Variants in MGRN1 observed in about 807,000 individuals in gnomAD.
MGRN1 encodes the protein E3 ubiquitin-protein ligase MGRN1.
In MGRN1, 29 loss-of-function variants were observed where a neutral mutation model predicts 69.2. The observed-to-expected ratio is 0.42, with a 90% CI of 0.31 to 0.57. The LOEUF is 0.57. Among genes scored for constraint, MGRN1 ranks in the 20% least tolerant of loss-of-function variants. MGRN1 has a pLI of 0.15. For synonymous variants in MGRN1, 470 were observed against 344.2 expected, an observed-to-expected ratio of 1.37 and a Z score of -4.04; for missense variants, 998 against 796.2, an observed-to-expected ratio of 1.25 and a Z score of -3.05.
At chr16:4,650,302 C>T (rs1183121256) in intron 1 of MGRN1, 63 bp from the exon 2 acceptor site, 1 of 1,353,540 alleles carries the variant, frequency 7.4e-7, no homozygotes, top group East Asian at 2.3e-5. Flanking sequence ...TGCACTCTAG[C>T]CTGAGACTCT....
chr16:4,664,572 C>G, intron 5 of MGRN1, 137 bp from the exon 6 acceptor site: 2 of 810,362 alleles, frequency 2.5e-6, no homozygotes, highest in Admixed American at 2.3e-5. Context: ...CCTTCCCTGC[C>G]ATCTCGAGGC....
chr16:4,672,500 C>G (rs975758008), intron 9 of MGRN1: 3 of 456,460 alleles, frequency 6.6e-6, no homozygotes, highest in South Asian at 4.6e-5. Flanking sequence ...GGCCGGGCCT[C>G]GCCTCAACCC....
chr16:4,686,531 C>G (rs528008606), intron 16 of MGRN1: 2 of 1,376,824 alleles, frequency 1.5e-6, no homozygotes, highest in East Asian at 2.8e-5. Flanking sequence ...AGAGGTCTCT[C>G]CATCTGGACT....
chr16:4,671,506 C>T (rs1159957613), intron 9 of MGRN1, 47 bp downstream of exon 9: 1 of 1,571,928 alleles, frequency 6.4e-7, no homozygotes, highest in Non-Finnish European at 8.8e-7. Flanking sequence ...GAAGCCCACA[C>T]CAGGAGCAGC....
intron 8 of MGRN1, 186 bp from the exon 9 acceptor site, chr16:4,671,205 G>A: frequency 1.6e-6 from 1 of 611,384 alleles, no homozygotes; most frequent in Non-Finnish European, 2.9e-6. Context: ...TGTTCCAGGT[G>A]CTGCTGGTTG....
intron 12 of MGRN1, chr16:4,681,204 C>T (rs2079174877): frequency 3.2e-6 from 1 of 314,412 alleles, no homozygotes; most frequent in Non-Finnish European, 5.9e-6. Context: ...TGCCCCCGCT[C>T]CCAGCTCCTG....
chr16:4,661,377 C>A (rs1316563320), intron 5 of MGRN1, among the ~76,000 whole-genome samples: 1 of 152,216 alleles, frequency 6.6e-6, no homozygotes, highest in Non-Finnish European at 1.5e-5. Flanking sequence ...TCTCCTGCAC[C>A]CTCCAGCCCT....
Position 4,652,769 on chromosome 16 carries a change from G to C in MGRN1, c.388G>C (p.Val130Leu), listed in dbSNP as rs781100866. ...LEFTFDADAR[V>L]AITIYCQASE... ...GTTCACCTTCGACGCCGATGCCCGC[G>C]TGGCCATCACCATCTACTGCCAGGC... The change falls in exon 4 of 17, where the codon GTG becomes CTG. Residue 130 changes from valine (V) to leucine (L), a missense_variant. By Grantham distance (32) the Val-to-Leu change is conservative. Transcript: ENST00000262370. The C allele has an allele frequency of 6.2e-7, 1 of 1,612,034 alleles. No individual in the cohort carries two copies. Among genetic ancestry groups the C allele is most frequent in the South Asian group, 1.1e-5 (1 of 90,668 alleles).
chr16:4,628,029 G>C (rs577882398), intron 1 of MGRN1, among the ~76,000 whole-genome samples: 1 of 148,350 alleles, frequency 6.7e-6, no homozygotes, highest in Non-Finnish European at 1.5e-5. Flanking sequence ...GCAGTGAGCC[G>C]AGACTGCGCC....
intron 1 of MGRN1, among the ~76,000 whole-genome samples, chr16:4,643,530 C>G (rs1231721606): frequency 2.0e-5 from 3 of 151,666 alleles, no homozygotes; most frequent in Non-Finnish European, 4.4e-5. Flanking sequence ...TGCCACCACA[C>G]CTGGCTAATT....
intron 1 of MGRN1, among the ~76,000 whole-genome samples, chr16:4,647,572 G>T (rs2078300746): frequency 6.6e-6 from 1 of 152,228 alleles, no homozygotes; most frequent in South Asian, 2.1e-4. Context: ...AACATTCTCT[G>T]TGTATTCACA....
intron 5 of MGRN1, among the ~76,000 whole-genome samples, chr16:4,662,009 G>A (rs1041922045): frequency 2.6e-5 from 4 of 152,150 alleles, no homozygotes; most frequent in Admixed American, 1.3e-4. Flanking sequence ...GAACGCCAGG[G>A]TGCTGCCAGC....
intron 1 of MGRN1, among the ~76,000 whole-genome samples, chr16:4,629,249 C>T (rs186596398): frequency 2.6e-5 from 4 of 151,406 alleles, no homozygotes; most frequent in Non-Finnish European, 4.4e-5. Flanking sequence ...GTTTATCTTA[C>T]GGAGTTGTAA....
At chr16:4,685,095 C>G (rs559027499) in intron 16 of MGRN1, among the ~76,000 whole-genome samples, 2 of 152,350 alleles carry the variant, frequency 1.3e-5, no homozygotes, top group Middle Eastern at 3.4e-3. Flanking sequence ...CGGCCTGCCC[C>G]GAACAACTCA....
intron 10 of MGRN1, chr16:4,677,099 G>C (rs762973990): frequency 1.1e-5 from 2 of 181,172 alleles, no homozygotes; most frequent in African/African-American, 2.4e-5. Context: ...ATGGCCACCA[G>C]CCTCTTGGAA....
intron 2 of MGRN1, 102 bp from the exon 3 acceptor site, chr16:4,651,861 C>T (rs192129987): frequency 4.8e-6 from 5 of 1,047,144 alleles, no homozygotes; most frequent in Admixed American, 3.4e-5. Flanking sequence ...GGACTAGATC[C>T]CAGGGATACC....
At chr16:4,646,782 T>A (rs552009319) in intron 1 of MGRN1, among the ~76,000 whole-genome samples, 1 of 152,330 alleles carries the variant, frequency 6.6e-6, no homozygotes, top group African/African-American at 2.4e-5. Flanking sequence ...GCTCATCTTC[T>A]GCCTACAGCG....
rs2078320747 is a variant in MGRN1 at position 4,648,344 on chromosome 16, GA to G, written c.89-2020del. 6.1e-4 allele frequency among the ~76,000 whole-genome samples: 81 copies of G among 132,856 alleles called. 4 individuals are homozygous for G. The highest frequency in any genetic ancestry group is 2.4e-3 in the African/African-American group (70 of 29,304). 87.2% of individuals were successfully genotyped at this position (132,856 alleles called of 152,430 possible). On this transcript the variant is annotated intron_variant, in intron 1 of 16. Transcript: ENST00000262370. The stretch of plus-strand genomic sequence containing the variant: ...TGGTCACCCGGCTCCTCCTCTCGGG[GA>G]CTCTTCCCGTGGTCACCCGGCTCCT...
intron 2 of MGRN1, 145 bp from the exon 3 acceptor site, chr16:4,651,818 G>A: frequency 1.4e-6 from 1 of 711,300 alleles, no homozygotes; most frequent in South Asian, 1.7e-5. Flanking sequence ...ACCTGTAAAT[G>A]AGAACAGTGC....
Sources: gnomAD v4.1 joint callset for allele counts (sites outside exome capture counted in the v4.1 genomes callset) on GRCh38, gnomAD v4.1.1 for gene constraint, MANE v1.5 for transcripts, NCBI Gene and HGNC (gene_info 2026-07-23, HGNC 2026-07-21) for gene names.